GALNT16: variants seen among roughly 807,000 people sequenced by gnomAD.
The protein encoded by GALNT16 is polypeptide N-acetylgalactosaminyltransferase 16.
A neutral mutation model predicts 76.1 loss-of-function variants in GALNT16; 40 were observed. The ratio of observed to expected loss-of-function variants is 0.53; its 90% CI spans 0.41 to 0.68. The LOEUF (loss-of-function observed/expected upper bound fraction) is 0.68. Among genes scored for constraint, GALNT16 ranks in the 30% least tolerant of loss-of-function variants. The pLI is 0.00. For synonymous variants in GALNT16, 276 were observed against 285.2 expected, an observed-to-expected ratio of 0.97 and a Z score of 0.32; for missense variants, 621 against 731.9, an observed-to-expected ratio of 0.85 and a Z score of 1.75.
Position 69,286,476 on chromosome 14 carries a change from G to A in GALNT16, c.177+26009G>A, listed in dbSNP as rs569835577. On this transcript the variant is annotated intron_variant, in intron 1 of 14. Coordinates refer to ENST00000448469, the MANE Select transcript of GALNT16 (RefSeq NM_001168368.2). ...CTGCCACCACGCCTGGCTAATTTTT[G>A]TATTTTTAGTAGAGATGGGGTTTCA... is the stretch of plus-strand genomic sequence containing the variant. Among the ~76,000 whole-genome samples, 20 of 152,072 alleles carry A rather than the reference G, an allele frequency of 1.3e-4. No homozygotes were observed. In the East Asian group the frequency reaches 3.5e-3, roughly 27 times the overall value.
At chr14:69,313,341 G>A (rs1335177519) in intron 1 of GALNT16, among the ~76,000 whole-genome samples, 3 of 152,226 alleles carry the variant, frequency 2.0e-5, no homozygotes, top group Non-Finnish European at 4.4e-5. Context: ...CCCTCCATCC[G>A]CAGATGGCCT....
At chr14:69,262,704 C>T (rs1405686561) in intron 1 of GALNT16, among the ~76,000 whole-genome samples, 1 of 151,754 alleles carries the variant, frequency 6.6e-6, no homozygotes, top group African/African-American at 2.4e-5. Flanking sequence ...GTTCCACCAG[C>T]ACTGACCCCC....
chr14:69,286,061 C>G (rs917523134), intron 1 of GALNT16, among the ~76,000 whole-genome samples: 1 of 152,164 alleles, frequency 6.6e-6, no homozygotes, highest in African/African-American at 2.4e-5. Context: ...TAACCAGCAC[C>G]TGGCTGGCTT....
intron 1 of GALNT16, among the ~76,000 whole-genome samples, chr14:69,292,815 G>A (rs1202134971): frequency 2.0e-5 from 3 of 152,254 alleles, no homozygotes; most frequent in African/African-American, 7.2e-5. Flanking sequence ...CCTCCAGGCT[G>A]ATGACAGGGT....
rs151294557 is a variant in GALNT16 at position 69,284,734 on chromosome 14, A to C, written c.177+24267A>C. Among the ~76,000 whole-genome samples, 802 of 152,192 alleles carry C rather than the reference A, an allele frequency of 5.3e-3. 4 individuals are homozygous for C. Among genetic ancestry groups the C allele is most frequent in the Middle Eastern group, 0.02 (6 of 294 alleles). ...ATGGTTTGGCTGTGTCCCCACCCAA[A>C]TCTCATCTTGTAGTTCCCATAATCC... On this transcript the variant is annotated intron_variant, in intron 1 of 14. Coordinates refer to ENST00000448469, the MANE Select transcript of GALNT16 (RefSeq NM_001168368.2).
chr14:69,263,761 C>T (rs1419749188), intron 1 of GALNT16, among the ~76,000 whole-genome samples: 3 of 152,198 alleles, frequency 2.0e-5, no homozygotes, highest in Admixed American at 6.5e-5. Context: ...GTCCTGCTGT[C>T]GGCCCAAGTG....
intron 1 of GALNT16, 50 bp downstream of exon 1, chr14:69,260,517 G>T (rs1363148733): frequency 1.6e-6 from 2 of 1,234,010 alleles, no homozygotes; most frequent in Non-Finnish European, 2.0e-6. Context: ...CGCGGCGCGC[G>T]TCCAGACCCT....
chr14:69,286,705 T>C (rs2044617387), intron 1 of GALNT16, among the ~76,000 whole-genome samples: 1 of 152,154 alleles, frequency 6.6e-6, no homozygotes, highest in South Asian at 2.1e-4. Flanking sequence ...CAGCTTCCTT[T>C]GAAGTGCACC....
At chr14:69,322,996 G>GCA (rs2045224981) in intron 2 of GALNT16, among the ~76,000 whole-genome samples, 1 of 38,118 alleles carries the variant, frequency 2.6e-5, no homozygotes, top group African/African-American at 2.5e-4. Flanking sequence ...GCGCACGCGC[G>GCA]CACGCATGCA....
At chr14:69,323,667 C>T (rs1490762150) in intron 2 of GALNT16, among the ~76,000 whole-genome samples, 1 of 152,192 alleles carries the variant, frequency 6.6e-6, no homozygotes, top group Non-Finnish European at 1.5e-5. Flanking sequence ...TCCGCCACCA[C>T]TACCCTACAC....
At chr14:69,325,261 C>T (rs1018545547) in intron 3 of GALNT16, 76 bp from the exon 4 acceptor site, 2 of 927,434 alleles carry the variant, frequency 2.2e-6, no homozygotes, top group Admixed American at 1.7e-5. Context: ...TGGGGAGTCC[C>T]ACGGCCCCGG....
the GALNT16 span, among the ~76,000 whole-genome samples, chr14:69,374,349 C>G: frequency 6.6e-6 from 1 of 152,254 alleles, no homozygotes; most frequent in Non-Finnish European, 1.5e-5. Flanking sequence ...AGTTTATGCT[C>G]TTCTCTATCC....
intron 1 of GALNT16, among the ~76,000 whole-genome samples, chr14:69,314,519 C>T (rs1379421648): frequency 6.6e-6 from 1 of 152,224 alleles, no homozygotes; most frequent in East Asian, 1.9e-4. Flanking sequence ...ACCTGAGGTT[C>T]CTGGCCCTGT....
intron 9 of GALNT16, among the ~76,000 whole-genome samples, chr14:69,338,108 A>G (rs1290691359): frequency 6.6e-6 from 1 of 152,172 alleles, no homozygotes; most frequent in African/African-American, 2.4e-5. Flanking sequence ...CAGCTCCACC[A>G]CCGCTGTCAA....
rs61748871 is a variant in GALNT16 at position 69,328,471 on chromosome 14, G to A, written c.590G>A (p.Arg197His). 173 of 1,614,080 alleles carry A rather than the reference G, an allele frequency of 1.1e-4. No homozygotes were observed. The highest frequency in any genetic ancestry group is 8.9e-4 in the African/African-American group (67 of 75,052). ...RREGLIRSRV[R>H]GADVAAATVL... ...GTAGGGCTGATCCGGTCCCGAGTGC[G>A]TGGGGCGGACGTGGCTGCAGCTACC... Residue 197 changes from arginine (R) to histidine (H), a missense_variant, in exon 6 of 15, where the codon CGT becomes CAT. Coordinates refer to ENST00000448469, the MANE Select transcript of GALNT16 (RefSeq NM_001168368.2).
chr14:69,383,421 C>T, the GALNT16 span, among the ~76,000 whole-genome samples: 1 of 152,222 alleles, frequency 6.6e-6, no homozygotes, highest in African/African-American at 2.4e-5. Context: ...CGGACCCAGT[C>T]TCTGGTCTGA....
Position 69,290,413 on chromosome 14 carries a change from T to C in GALNT16, c.177+29946T>C, listed in dbSNP as rs150090339. Among the ~76,000 whole-genome samples, 345 of 152,364 alleles carry C rather than the reference T, an allele frequency of 2.3e-3. 5 individuals carry two copies. Among genetic ancestry groups the C allele is most frequent in the East Asian group, 7.7e-3 (40 of 5,196 alleles). On this transcript the variant is annotated intron_variant, in intron 1 of 14. Coordinates refer to ENST00000448469, the MANE Select transcript of GALNT16 (RefSeq NM_001168368.2). ...ACATCAGAATTGAACCCAGGCTGCC[T>C]GCAGCTGGGAACAGCACGGCAGGGA... is the stretch of plus-strand genomic sequence containing the variant.
At chr14:69,297,598 C>A (rs1251341278) in intron 1 of GALNT16, among the ~76,000 whole-genome samples, 1 of 148,124 alleles carries the variant, frequency 6.8e-6, no homozygotes, top group Non-Finnish European at 1.5e-5. Flanking sequence ...GTATTTTTTT[C>A]TAATTGCATT....
At chr14:69,297,334 AAT>A (rs2044782470) in intron 1 of GALNT16, among the ~76,000 whole-genome samples, 1 of 152,154 alleles carries the variant, frequency 6.6e-6, no homozygotes, top group Admixed American at 6.5e-5. Context: ...ACTGTTACAT[AAT>A]AGTTCTGTTT....
Sources: allele counts gnomAD v4.1 joint callset (sites outside exome capture counted in the v4.1 genomes callset), GRCh38; gene constraint gnomAD v4.1.1; transcripts MANE v1.5; gene names NCBI Gene and HGNC (gene_info 2026-07-23, HGNC 2026-07-21).